Variants in MEMO1 observed in about 807,000 individuals in gnomAD.
The protein encoded by MEMO1 is protein MEMO1.
A neutral mutation model predicts 45.2 loss-of-function variants in MEMO1; 6 were observed. The observed-to-expected ratio is 0.13, with a 90% CI of 0.07 to 0.26. MEMO1 has a LOEUF of 0.26. Ranked by LOEUF, MEMO1 falls within the 10% of genes least tolerant of loss-of-function variation. The pLI, the probability that MEMO1 is intolerant of heterozygous loss-of-function variation, is 1.00. For missense variants in MEMO1, 184 were observed against 370.5 expected, an observed-to-expected ratio of 0.50 and a Z score of 4.13; for synonymous variants, 78 against 124.3, an observed-to-expected ratio of 0.63 and a Z score of 2.48.
chr2:31,933,317 TAAAAAAAAAAAAAAA>T (rs34487390), intron 3 of MEMO1, among the ~76,000 whole-genome samples: 15 of 24,108 alleles, frequency 6.2e-4, no homozygotes, highest in African/African-American at 2.3e-3. Context: ...ACCACCTCTT[TAAAAAAAAAAAAAAA>T]AAAAAAAAAA....
At chr2:32,001,644 T>A (rs1182738997) in intron 2 of MEMO1, among the ~76,000 whole-genome samples, 1 of 151,996 alleles carries the variant, frequency 6.6e-6, no homozygotes, top group African/African-American at 2.4e-5. Context: ...ACAAGCCTCC[T>A]CCAAGTCTTA....
At chr2:31,884,196 A>T (rs538494976) in intron 7 of MEMO1, among the ~76,000 whole-genome samples, 1 of 152,166 alleles carries the variant, frequency 6.6e-6, no homozygotes, top group Non-Finnish European at 1.5e-5. Flanking sequence ...ACAGAAAACA[A>T]AAGTCTCAGA....
chr2:31,906,084 T>C (rs1038474581), intron 6 of MEMO1, among the ~76,000 whole-genome samples: 1 of 151,206 alleles, frequency 6.6e-6, no homozygotes, highest in Non-Finnish European at 1.5e-5. Flanking sequence ...ACAATTCTCC[T>C]GCCTCAGCCT....
intron 6 of MEMO1, among the ~76,000 whole-genome samples, chr2:31,913,248 C>CAA (rs3065389): frequency 0.014 from 594 of 42,850 alleles, 29 homozygotes; most frequent in African/African-American, 0.039. Flanking sequence ...GACTCCGTCT[C>CAA]AAAAAAAAAA....
intron 2 of MEMO1, among the ~76,000 whole-genome samples, chr2:31,984,737 CAG>C (rs1266545084): frequency 1.3e-5 from 2 of 152,072 alleles, no homozygotes; most frequent in Non-Finnish European, 2.9e-5. Flanking sequence ...ACCCGGGAGA[CAG>C]AGCTTGCGGT....
chr2:31,874,243 CAAGT>C (rs1012721646), intron 8 of MEMO1, among the ~76,000 whole-genome samples: 2 of 152,020 alleles, frequency 1.3e-5, no homozygotes, highest in African/African-American at 2.4e-5. Flanking sequence ...ACTAATATTT[CAAGT>C]AAGTAAAGTT....
At chr2:31,929,998 G>T (rs1246510740) in intron 4 of MEMO1, among the ~76,000 whole-genome samples, 2 of 152,230 alleles carry the variant, frequency 1.3e-5, no homozygotes, top group Admixed American at 6.5e-5. Context: ...AGTGGCTCAT[G>T]CCTGTAATCC....
At chr2:31,995,026 C>T (rs1044769871) in intron 2 of MEMO1, among the ~76,000 whole-genome samples, 2 of 151,584 alleles carry the variant, frequency 1.3e-5, no homozygotes, top group Non-Finnish European at 2.9e-5. Context: ...GGAAGGCAGG[C>T]AGGCAAACAT....
intron 6 of MEMO1, among the ~76,000 whole-genome samples, chr2:31,912,180 C>CA (rs1438306586): frequency 6.6e-6 from 1 of 151,726 alleles, no homozygotes; most frequent in Non-Finnish European, 1.5e-5. Context: ...ACTAAAAATA[C>CA]AAAAAAATTA....
intron 2 of MEMO1, among the ~76,000 whole-genome samples, chr2:31,947,222 C>A (rs1353350682): frequency 2.0e-5 from 3 of 152,168 alleles, no homozygotes; most frequent in Non-Finnish European, 4.4e-5. Context: ...CACCCCACTG[C>A]CAACAACCTC....
intron 3 of MEMO1, among the ~76,000 whole-genome samples, 195 bp downstream of exon 3, chr2:31,943,107 A>C (rs957336042): frequency 1.3e-5 from 2 of 152,154 alleles, no homozygotes; most frequent in African/African-American, 2.4e-5. Context: ...TCTACTAAAA[A>C]TACAAAAATT....
At chr2:31,915,617 G>T (rs1327830583) in intron 6 of MEMO1, among the ~76,000 whole-genome samples, 1 of 151,614 alleles carries the variant, frequency 6.6e-6, no homozygotes, top group Non-Finnish European at 1.5e-5. Flanking sequence ...GCAAAAAAAA[G>T]AAAGAAAAAA....
In MEMO1 at chr2:32,005,318, CAA is replaced by C. The variant is rs1305881226; in HGVS notation, c.61+4867_61+4868del. ...CTGGGTGACAGAGAGACTCTGTCAC[CAA>C]AAAAAAAAAAAAAAAAGAAGCTCAA... On this transcript the variant is annotated intron_variant, in intron 2 of 9. Transcript: ENST00000404530. Among the ~76,000 whole-genome samples, 21 of 57,290 alleles carry C rather than the reference CAA, an allele frequency of 3.7e-4. No individual in the cohort carries two copies. In the South Asian group the frequency reaches 0.01, roughly 27 times the overall value. The allele number at this position is 57,290 out of a possible 152,430, so 37.6% of individuals were successfully genotyped here.
chr2:31,931,136 A>T (rs1664117245), intron 4 of MEMO1, among the ~76,000 whole-genome samples: 2 of 152,158 alleles, frequency 1.3e-5, no homozygotes. Flanking sequence ...TTTTAGTAAA[A>T]ACTTGCTAAA....
At position 31,993,945 on chromosome 2, in the gene MEMO1, C is replaced by CTTTTTTT. The variant is rs1558562652; in HGVS notation, c.61+16241_61+16242insAAAAAAA. 4.3e-4 allele frequency among the ~76,000 whole-genome samples: 53 copies of CTTTTTTT among 124,606 alleles called. 1 individual carries two copies. Among genetic ancestry groups the CTTTTTTT allele is most frequent in the African/African-American group, 1.6e-3 (51 of 32,548 alleles). The allele number at this position is 124,606 out of a possible 152,430, so 81.7% of individuals were successfully genotyped here. On this transcript the variant is annotated intron_variant, in intron 2 of 9. Transcript: ENST00000404530. Reference sequence around the variant, plus strand: ...CAGAAATACAGAAATATCATCAATACTTTCTTTTTTTTTTTTTTTTTTTTT... The same window carrying CTTTTTTT: ...CAGAAATACAGAAATATCATCAATACTTTTTTTTTTCTTTTTTTTTTTTTTTTTTTTT...
chr2:31,909,527 C>G (rs56995817), intron 6 of MEMO1, among the ~76,000 whole-genome samples: 2 of 151,888 alleles, frequency 1.3e-5, no homozygotes, highest in East Asian at 3.8e-4. Flanking sequence ...AAAAACAAAA[C>G]AAAATACCTA....
At chr2:31,869,219 CAT>C (rs1269139868) in intron 9 of MEMO1, among the ~76,000 whole-genome samples, 10 of 152,080 alleles carry the variant, frequency 6.6e-5, no homozygotes, top group African/African-American at 2.2e-4. Context: ...CAAATAAGCC[CAT>C]TGTTACTTTC....
chr2:31,996,305 TG>T (rs748984936), intron 2 of MEMO1, among the ~76,000 whole-genome samples: 4 of 152,026 alleles, frequency 2.6e-5, no homozygotes, highest in Non-Finnish European at 4.4e-5. Context: ...CCCAGCACTT[TG>T]AGAGGCCAAG....
At chr2:31,917,372 C>T (rs1003949502) in intron 6 of MEMO1, among the ~76,000 whole-genome samples, 1 of 152,080 alleles carries the variant, frequency 6.6e-6, no homozygotes, top group Non-Finnish European at 1.5e-5. Flanking sequence ...CTGTGCTAGG[C>T]GGTGGGGTAT....
Sources: gnomAD v4.1 joint callset for allele counts (sites outside exome capture counted in the v4.1 genomes callset) on GRCh38, gnomAD v4.1.1 for gene constraint, MANE v1.5 for transcripts, NCBI Gene and HGNC (gene_info 2026-07-23, HGNC 2026-07-21) for gene names.